Variants in MAPK4 observed in about 807,000 individuals in gnomAD.
The protein encoded by MAPK4 is Erk3-related.
MAPK4 carries 22 observed loss-of-function variants against 47.7 expected under a neutral mutation model. The ratio of observed to expected loss-of-function variants is 0.46; its 90% confidence interval spans 0.33 to 0.66. The LOEUF (loss-of-function observed/expected upper bound fraction) is 0.66. Ranked by LOEUF, MAPK4 falls within the 30% of genes least tolerant of loss-of-function variation. The pLI is 0.02. For missense variants in MAPK4, 736 were observed against 831.7 expected (o/e 0.88, Z 1.42); for synonymous variants, 390 against 365.7 (o/e 1.07, Z -0.76).
At chr18:50,658,741 T>A (rs1460967895) in intron 1 of MAPK4, among the ~76,000 whole-genome samples, 1 of 152,164 alleles carries the variant, frequency 6.6e-6, no homozygotes, top group African/African-American at 2.4e-5. Context: ...AATTTGCATA[T>A]GAGCTGAACC....
At position 50,720,425 on chromosome 18, in the gene MAPK4, T is replaced by G. The variant is rs1910874939; in HGVS notation, c.692-1513T>G. On this transcript the variant is annotated intron_variant, in intron 3 of 5. Transcript: ENST00000400384. The stretch of plus-strand genomic sequence containing the variant: ...CCACAAGGGGTGGGGGAGCTAGGTC[T>G]GCCTCCAGGGCTGTCTGCCACCAAA... Among the ~76,000 whole-genome samples, 3 of 152,250 alleles carry G rather than the reference T, an allele frequency of 2.0e-5. No individual in the cohort carries two copies. The South Asian group carries it at 6.2e-4, about 32-fold the overall frequency.
chr18:50,721,683 G>A (rs1181811577), intron 3 of MAPK4, among the ~76,000 whole-genome samples: 2 of 152,208 alleles, frequency 1.3e-5, no homozygotes, highest in Non-Finnish European at 2.9e-5. Context: ...GACACAGAAT[G>A]CTAGGGGAAT....
At chr18:50,618,344 A>G (rs2042702911) in intron 1 of MAPK4, among the ~76,000 whole-genome samples, 1 of 151,962 alleles carries the variant, frequency 6.6e-6, no homozygotes, top group Non-Finnish European at 1.5e-5. Context: ...CTGTTTTTCC[A>G]TTTCTCCCCA....
At position 50,607,628 on chromosome 18, in the gene MAPK4, A is replaced by T. The variant is rs79758595; in HGVS notation, c.-871+47385A>T. ...TTGGGTTACCAGTTCTGACGCACAC[A>T]GTAAGAAGGCCACGTGGTGATTGGC... On this transcript the variant is annotated intron_variant, in intron 1 of 5. Transcript: ENST00000400384. Among the ~76,000 whole-genome samples the T allele has an allele frequency of 7.7e-3, 1,171 of 152,366 alleles. 11 individuals are homozygous for T. The highest frequency in any genetic ancestry group is 0.027 in the African/African-American group (1,118 of 41,586).
At chr18:50,650,329 AC>A (rs964740241) in intron 1 of MAPK4, among the ~76,000 whole-genome samples, 1 of 107,468 alleles carries the variant, frequency 9.3e-6, no homozygotes. Context: ...CCTTTCCACT[AC>A]CCCCTCCCTT....
intron 1 of MAPK4, among the ~76,000 whole-genome samples, chr18:50,614,282 G>A (rs899973813): frequency 6.6e-5 from 10 of 151,904 alleles, no homozygotes; most frequent in African/African-American, 2.4e-4. Flanking sequence ...AATTAAATGT[G>A]TGTCAAATTT....
At chr18:50,695,191 C>T (rs1389032395) in intron 2 of MAPK4, among the ~76,000 whole-genome samples, 2 of 151,808 alleles carry the variant, frequency 1.3e-5, no homozygotes, top group African/African-American at 4.8e-5. Context: ...ACTAAAAATA[C>T]AAAATTTAGC....
intron 1 of MAPK4, among the ~76,000 whole-genome samples, chr18:50,570,955 T>A (rs2149358348): frequency 6.6e-6 from 1 of 152,252 alleles, no homozygotes; most frequent in Non-Finnish European, 1.5e-5. Flanking sequence ...GGCTTTTATT[T>A]TTATTTTTGA....
rs535513100 is a variant in MAPK4 at position 50,685,405 on chromosome 18, A to G, written c.546+20901A>G. Among the ~76,000 whole-genome samples, 12 of 152,350 alleles carry G rather than the reference A, an allele frequency of 7.9e-5. No homozygotes were observed. The South Asian group carries it at 2.3e-3, about 29-fold the overall frequency. On this transcript the variant is annotated intron_variant, in intron 2 of 5. Coordinates refer to ENST00000400384, the MANE Select transcript of MAPK4 (RefSeq NM_002747.4). ...AGCATCCCACACGTGGCTATGGGGAAGATCCTGCAGTTCCCTTTAAGTCTT... is the reference window on the plus strand; with the variant it reads ...AGCATCCCACACGTGGCTATGGGGAGGATCCTGCAGTTCCCTTTAAGTCTT...
At chr18:50,619,007 T>C (rs575121808) in intron 1 of MAPK4, among the ~76,000 whole-genome samples, 6 of 152,358 alleles carry the variant, frequency 3.9e-5, no homozygotes, top group Non-Finnish European at 7.3e-5. Flanking sequence ...ATGCTACTTA[T>C]GCAAGAAGGT....
intron 1 of MAPK4, among the ~76,000 whole-genome samples, chr18:50,653,632 G>T (rs2043075784): frequency 6.6e-6 from 1 of 152,230 alleles, no homozygotes; most frequent in African/African-American, 2.4e-5. Context: ...CTGCAAAATG[G>T]AAGGAAGCGG....
At chr18:50,687,796 G>C (rs1380319918) in intron 2 of MAPK4, among the ~76,000 whole-genome samples, 5 of 152,168 alleles carry the variant, frequency 3.3e-5, no homozygotes, top group Non-Finnish European at 7.3e-5. Context: ...GCTTGCCTGT[G>C]GTCTCGAGGG....
intron 1 of MAPK4, among the ~76,000 whole-genome samples, chr18:50,634,100 G>A (rs2042857278): frequency 6.6e-6 from 1 of 152,098 alleles, no homozygotes. Context: ...TAACTCTCAG[G>A]TGCACCATTT....
intron 2 of MAPK4, among the ~76,000 whole-genome samples, chr18:50,702,999 T>C (rs1020681051): frequency 6.6e-6 from 1 of 152,216 alleles, no homozygotes; most frequent in Non-Finnish European, 1.5e-5. Context: ...TTTCCCAGAA[T>C]ACAAGAGTTT....
chr18:50,700,591 G>A (rs1909736533), intron 2 of MAPK4, among the ~76,000 whole-genome samples: 1 of 152,204 alleles, frequency 6.6e-6, no homozygotes, highest in Non-Finnish European at 1.5e-5. Flanking sequence ...CAGGGTTGTG[G>A]AAAACTGTGA....
At position 50,716,068 on chromosome 18, in the gene MAPK4, C is replaced by T. The variant is rs373945150; in HGVS notation, c.691+845C>T. On this transcript the variant is annotated intron_variant, in intron 3 of 5. Coordinates refer to ENST00000400384, the MANE Select transcript of MAPK4 (RefSeq NM_002747.4). Reference sequence around the variant, plus strand: ...GTCCTCCATGACGTCTCTCCTAATTCCCCAGGGCATGAGTCATCCTTCTTG... The same window carrying T: ...GTCCTCCATGACGTCTCTCCTAATTTCCCAGGGCATGAGTCATCCTTCTTG... 9.5e-4 allele frequency among the ~76,000 whole-genome samples: 145 copies of T among 152,298 alleles called. 1 individual carries two copies. The highest frequency in any genetic ancestry group is 3.4e-3 in the Middle Eastern group (1 of 294).
chr18:50,697,149 CTTA>C (rs1909557376), intron 2 of MAPK4, among the ~76,000 whole-genome samples: 1 of 152,198 alleles, frequency 6.6e-6, no homozygotes, highest in South Asian at 2.1e-4. Context: ...CTGATGCATG[CTTA>C]AGGTTGAGAA....
intron 2 of MAPK4, among the ~76,000 whole-genome samples, chr18:50,685,694 C>T (rs897795627): frequency 6.6e-6 from 1 of 152,322 alleles, no homozygotes; most frequent in Non-Finnish European, 1.5e-5. Flanking sequence ...TCAAGCCAGT[C>T]CTCACACCAG....
At chr18:50,624,689 A>G (rs1277928909) in intron 1 of MAPK4, among the ~76,000 whole-genome samples, 1 of 152,178 alleles carries the variant, frequency 6.6e-6, no homozygotes, top group African/African-American at 2.4e-5. Context: ...TTTTCAAAGT[A>G]TAAGTTTGTT....
Sources: allele counts gnomAD v4.1 joint callset (sites outside exome capture counted in the v4.1 genomes callset), GRCh38; gene constraint gnomAD v4.1.1; transcripts MANE v1.5; gene names NCBI Gene and HGNC (gene_info 2026-07-23, HGNC 2026-07-21).